The following ATG5 variants were observed in gnomAD, a reference collection of about 807,000 sequenced individuals.
ATG5 encodes autophagy protein 5.
Under a neutral mutation model 36.5 loss-of-function variants are expected in ATG5, and 14 were observed. That is an observed-to-expected ratio of 0.38 (90% CI 0.25 to 0.60). The LOEUF is 0.60. Among genes scored for constraint, ATG5 ranks in the 20% least tolerant of loss-of-function variants. The pLI is 0.60. For synonymous variants in ATG5, 95 were observed against 101.5 expected (o/e 0.94, Z 0.38); for missense variants, 195 against 326.7 (o/e 0.60, Z 3.11).
chr6:106,321,322 T>A (rs1048321280), intron 1 of ATG5, among the ~76,000 whole-genome samples: 1 of 151,454 alleles, frequency 6.6e-6, no homozygotes, highest in African/African-American at 2.4e-5. Flanking sequence ...ACTTTTTCCC[T>A]CCTCTTTTGG....
At chr6:106,284,221 A>G (rs1483083105) in intron 4 of ATG5, among the ~76,000 whole-genome samples, 1 of 152,228 alleles carries the variant, frequency 6.6e-6, no homozygotes, top group Non-Finnish European at 1.5e-5. Flanking sequence ...CTGCTGTGTA[A>G]TGTGGTAAGT....
intron 5 of ATG5, among the ~76,000 whole-genome samples, chr6:106,273,954 C>G (rs1481930009): frequency 2.6e-5 from 4 of 152,148 alleles, no homozygotes; most frequent in Non-Finnish European, 5.9e-5. Context: ...TAAAATGGCA[C>G]ACTATCAAAT....
intron 6 of ATG5, among the ~76,000 whole-genome samples, chr6:106,231,898 G>C (rs1777709311): frequency 6.6e-6 from 1 of 152,174 alleles, no homozygotes; most frequent in African/African-American, 2.4e-5. Context: ...GGAGGCACTG[G>C]AAAAGGGAAA....
chr6:106,306,456 T>C (rs1380210335), intron 3 of ATG5, among the ~76,000 whole-genome samples: 1 of 152,188 alleles, frequency 6.6e-6, no homozygotes, highest in Non-Finnish European at 1.5e-5. Flanking sequence ...GGCAACATTT[T>C]TGATAATCAA....
chr6:106,281,678 T>G (rs1779883269), intron 4 of ATG5, among the ~76,000 whole-genome samples: 1 of 152,240 alleles, frequency 6.6e-6, no homozygotes, highest in Non-Finnish European at 1.5e-5. Context: ...TTCATCTTTC[T>G]TGGGTATACA....
At chr6:106,259,249 A>G (rs1361302784) in intron 5 of ATG5, among the ~76,000 whole-genome samples, 2 of 152,150 alleles carry the variant, frequency 1.3e-5, no homozygotes, top group East Asian at 3.8e-4. Context: ...TAATTGGCTT[A>G]TTGTGGACTA....
chr6:106,193,218 C>T (rs542589810), intron 7 of ATG5, among the ~76,000 whole-genome samples: 2 of 152,226 alleles, frequency 1.3e-5, no homozygotes, highest in South Asian at 4.1e-4. Flanking sequence ...AAATACAAAC[C>T]CATTTAAAAA....
At chr6:106,279,085 T>G (rs1183434742) in intron 5 of ATG5, among the ~76,000 whole-genome samples, 2 of 152,212 alleles carry the variant, frequency 1.3e-5, no homozygotes, top group Non-Finnish European at 2.9e-5. Flanking sequence ...ATAAAATAAC[T>G]GTTTGAAGGC....
chr6:106,310,837 A>G (rs1179644342), intron 2 of ATG5, among the ~76,000 whole-genome samples: 1 of 152,178 alleles, frequency 6.6e-6, no homozygotes, highest in Non-Finnish European at 1.5e-5. Context: ...CACTTAACAT[A>G]TGTCTTCAAT....
chr6:106,294,134 G>A (rs1183006861), intron 3 of ATG5, among the ~76,000 whole-genome samples: 1 of 152,074 alleles, frequency 6.6e-6, no homozygotes, highest in Non-Finnish European at 1.5e-5. Flanking sequence ...TTCAAATTGT[G>A]GGATTTGGGA....
At position 106,184,648 on chromosome 6, in the gene ATG5, G is replaced by A. The variant is rs754390882; in HGVS notation, c.*1892C>T. 6.6e-6 allele frequency: 1 copy of A among 152,242 alleles called. No individual in the cohort carries two copies. The highest frequency in any genetic ancestry group is 1.5e-5 in the Non-Finnish European group (1 of 68,002). The allele number at this position is 152,242 out of a possible 1,614,324, so 9.4% of individuals were successfully genotyped here. Reference sequence around the variant, plus strand: ...CTATGATGCTGGTACAATAATGAATGAGGAAGTAAAAATGGGCAATGTCTT... The same window carrying A: ...CTATGATGCTGGTACAATAATGAATAAGGAAGTAAAAATGGGCAATGTCTT... On this transcript the variant is annotated 3_prime_UTR_variant, in exon 8 of 8. Transcript: ENST00000369076.
chr6:106,279,891 A>C (rs1779811242), intron 4 of ATG5, 68 bp from the exon 5 acceptor site: 5 of 1,054,428 alleles, frequency 4.7e-6, no homozygotes, highest in South Asian at 3.4e-5. Flanking sequence ...CTTAAAAGAG[A>C]ACTATATCCC....
chr6:106,312,430 A>G (rs942646621), intron 2 of ATG5, among the ~76,000 whole-genome samples: 1 of 152,146 alleles, frequency 6.6e-6, no homozygotes, highest in African/African-American at 2.4e-5. Flanking sequence ...GAGGATCTCC[A>G]GCAGACAAAT....
chr6:106,314,111 T>C (rs1213138864), intron 2 of ATG5, among the ~76,000 whole-genome samples: 1 of 152,186 alleles, frequency 6.6e-6, no homozygotes, highest in Non-Finnish European at 1.5e-5. Flanking sequence ...CTCTTGCCAT[T>C]TTCAATTTGA....
intron 6 of ATG5, among the ~76,000 whole-genome samples, chr6:106,229,696 G>A (rs1255418849): frequency 2.0e-5 from 3 of 152,236 alleles, no homozygotes; most frequent in Non-Finnish European, 4.4e-5. Context: ...GGCGTAGCCT[G>A]AAAACACTAA....
At position 106,217,357 on chromosome 6, in the gene ATG5, T is replaced by TA. The variant is rs1777079895; in HGVS notation, c.574-15269dup. ...GTTTTGAAATTACAATATGCTAGTT[T>TA]AAAAAGGTTTACTAAAATACATAAT... On this transcript the variant is annotated intron_variant, in intron 6 of 7. Coordinates refer to ENST00000369076, the MANE Select transcript of ATG5 (RefSeq NM_004849.4). 4.6e-5 allele frequency: 7 copies of TA among 152,360 alleles called. No individual in the cohort carries two copies. In the South Asian group the frequency reaches 1.4e-3, roughly 32 times the overall value. 9.4% of individuals were successfully genotyped at this position (152,360 alleles called of 1,614,324 possible).
chr6:106,196,057 A>G (rs534503944), intron 7 of ATG5, among the ~76,000 whole-genome samples: 3 of 152,312 alleles, frequency 2.0e-5, no homozygotes, highest in East Asian at 3.9e-4. Context: ...CTTTTCATTT[A>G]CGTGTCTGAT....
At chr6:106,267,437 C>T (rs986311289) in intron 5 of ATG5, among the ~76,000 whole-genome samples, 2 of 152,156 alleles carry the variant, frequency 1.3e-5, no homozygotes, top group African/African-American at 4.8e-5. Flanking sequence ...AGATTCAACG[C>T]TATTCCCATC....
chr6:106,239,148 A>G (rs1778010526), intron 6 of ATG5, among the ~76,000 whole-genome samples: 1 of 152,002 alleles, frequency 6.6e-6, no homozygotes, highest in Non-Finnish European at 1.5e-5. Flanking sequence ...CTATAATAGC[A>G]ATGCAATAAA....
Sources: gnomAD v4.1 joint callset for allele counts (sites outside exome capture counted in the v4.1 genomes callset) on GRCh38, gnomAD v4.1.1 for gene constraint, MANE v1.5 for transcripts, NCBI Gene and HGNC (gene_info 2026-07-23, HGNC 2026-07-21) for gene names.